ANO3: variants seen among roughly 807,000 people sequenced by gnomAD.
ANO3 encodes the protein anoctamin 3.
Under a neutral mutation model 144.8 loss-of-function variants are expected in ANO3, and 99 were observed. The observed-to-expected ratio is 0.68, with a 90% CI of 0.58 to 0.81. The LOEUF is 0.81. Among genes scored for constraint, ANO3 ranks in the 30% least tolerant of loss-of-function variants. The pLI is 0.00. For missense variants in ANO3, 905 were observed against 1,202.2 expected (o/e 0.75, Z 3.66); for synonymous variants, 414 against 392.6 (o/e 1.05, Z -0.64).
intron 5 of ANO3, among the ~76,000 whole-genome samples, chr11:26,510,037 G>A (rs1463555790): frequency 6.6e-6 from 1 of 150,692 alleles, no homozygotes; most frequent in Non-Finnish European, 1.5e-5. Flanking sequence ...TGGAGGCTGA[G>A]GCAGGAGAAT....
intron 1 of ANO3, among the ~76,000 whole-genome samples, chr11:26,226,522 T>G (rs1016132188): frequency 1.3e-5 from 2 of 152,098 alleles, no homozygotes; most frequent in African/African-American, 4.8e-5. Context: ...TCCTTTTAGT[T>G]TATCCCTGGA....
intron 4 of ANO3, among the ~76,000 whole-genome samples, chr11:26,465,932 A>G (rs1859586700): frequency 6.6e-6 from 1 of 151,966 alleles, no homozygotes; most frequent in Non-Finnish European, 1.5e-5. Context: ...TAATCTTCAG[A>G]ACAATGCATT....
chr11:26,305,009 C>CT (rs574192561), upstream of ANO3, among the ~76,000 whole-genome samples: 584 of 151,542 alleles, frequency 3.9e-3, 1 homozygote, highest in Non-Finnish European at 6.0e-3. Flanking sequence ...TTGAAAACTG[C>CT]TTTTTTTTAA....
At chr11:26,394,740 G>T (rs901934366) in intron 1 of ANO3, among the ~76,000 whole-genome samples, 2 of 151,800 alleles carry the variant, frequency 1.3e-5, no homozygotes, top group African/African-American at 4.8e-5. Flanking sequence ...ACCATGCCCA[G>T]CTAATTTTGT....
intron 1 of ANO3, among the ~76,000 whole-genome samples, chr11:26,268,859 T>A (rs894098922): frequency 2.6e-5 from 4 of 151,954 alleles, no homozygotes; most frequent in Admixed American, 2.6e-4. Flanking sequence ...GAATAAGCCA[T>A]CAGAACAATG....
chr11:26,241,816 GAAA>G (rs1225056521), intron 1 of ANO3, among the ~76,000 whole-genome samples: 2 of 152,146 alleles, frequency 1.3e-5, no homozygotes, highest in African/African-American at 2.4e-5. Context: ...GGGTTATTCA[GAAA>G]GCAAGTAATG....
intron 7 of ANO3, among the ~76,000 whole-genome samples, chr11:26,528,077 G>A (rs973291971): frequency 1.3e-5 from 2 of 152,038 alleles, no homozygotes; most frequent in African/African-American, 2.4e-5. Flanking sequence ...TCTTGGATTT[G>A]CAAGACGTCC....
chr11:26,442,154 T>C (rs781234814), intron 2 of ANO3, 42 bp downstream of exon 2: 3 of 1,579,244 alleles, frequency 1.9e-6, no homozygotes, highest in Middle Eastern at 1.7e-4. Context: ...TTATAAAAAC[T>C]ACGTGTTTTC....
intron 1 of ANO3, among the ~76,000 whole-genome samples, chr11:26,385,815 TCACACACATACACACA>T (rs1247460518): frequency 1.5e-5 from 2 of 130,144 alleles, no homozygotes; most frequent in Non-Finnish European, 3.2e-5. Flanking sequence ...TGTCCAAGTT[TCACACACATACACACA>T]CACACACACA....
At chr11:26,472,178 A>G (rs1859807362) in intron 4 of ANO3, among the ~76,000 whole-genome samples, 1 of 152,014 alleles carries the variant, frequency 6.6e-6, no homozygotes, top group South Asian at 2.1e-4. Context: ...GAAAGCAGCC[A>G]GAGAAGACAG....
chr11:26,362,863 T>G (rs1241970558), intron 1 of ANO3, among the ~76,000 whole-genome samples: 1 of 152,230 alleles, frequency 6.6e-6, no homozygotes, highest in Non-Finnish European at 1.5e-5. Context: ...GTACCTCATA[T>G]AAATGTTTAA....
At chr11:26,386,167 A>C (rs1430166791) in intron 1 of ANO3, among the ~76,000 whole-genome samples, 1 of 152,210 alleles carries the variant, frequency 6.6e-6, no homozygotes, top group Non-Finnish European at 1.5e-5. Flanking sequence ...GGTGACATAT[A>C]AAACGGACAC....
intron 24 of ANO3, among the ~76,000 whole-genome samples, chr11:26,650,055 C>G (rs1230683844): frequency 1.3e-5 from 2 of 151,342 alleles, no homozygotes; most frequent in African/African-American, 4.9e-5. Context: ...GTAGATAGCG[C>G]CCGACATCTC....
intron 4 of ANO3, among the ~76,000 whole-genome samples, chr11:26,487,024 G>A (rs1405853258): frequency 1.3e-5 from 2 of 152,190 alleles, no homozygotes; most frequent in Non-Finnish European, 2.9e-5. Flanking sequence ...TTTGCAAGGA[G>A]CGTTTGGTGA....
chr11:26,549,015 CTCT>C (rs1849861850), intron 12 of ANO3, among the ~76,000 whole-genome samples: 1 of 151,618 alleles, frequency 6.6e-6, no homozygotes, highest in Non-Finnish European at 1.5e-5. Flanking sequence ...TCAACAGCTA[CTCT>C]TCAAGTTGGT....
chr11:26,591,930 T>C (rs775760604), intron 14 of ANO3, among the ~76,000 whole-genome samples: 13 of 152,060 alleles, frequency 8.5e-5, no homozygotes, highest in Non-Finnish European at 1.5e-4. Flanking sequence ...GTAGATAAAA[T>C]GACTGGGTAG....
chr11:26,415,987 T>C (rs12804191), intron 1 of ANO3, among the ~76,000 whole-genome samples: 13,224 of 152,144 alleles, frequency 0.087, 808 homozygotes, highest in Admixed American at 0.18. Flanking sequence ...AAATTTCTTA[T>C]TGTTTTCAGT....
At chr11:26,418,786 G>T (rs1857667846) in intron 1 of ANO3, among the ~76,000 whole-genome samples, 1 of 151,864 alleles carries the variant, frequency 6.6e-6, no homozygotes. Flanking sequence ...ATACTTGGGG[G>T]TACCTTCACA....
intron 5 of ANO3, among the ~76,000 whole-genome samples, chr11:26,512,218 C>G (rs983372245): frequency 9.9e-5 from 15 of 152,164 alleles, no homozygotes; most frequent in African/African-American, 3.6e-4. Context: ...CCACCCTGTG[C>G]TAACAATTTG....
Sources: allele counts gnomAD v4.1 joint callset (sites outside exome capture counted in the v4.1 genomes callset), GRCh38; gene constraint gnomAD v4.1.1; transcripts MANE v1.5; gene names NCBI Gene and HGNC (gene_info 2026-07-23, HGNC 2026-07-21).